Variants in PCCB observed in about 807,000 individuals in gnomAD.
PCCB encodes propionyl-CoA carboxylase beta chain, mitochondrial.
PCCB carries 43 observed loss-of-function variants against 60.7 expected under a neutral mutation model. The observed-to-expected ratio is 0.71, with a 90% CI of 0.55 to 0.91. The LOEUF is 0.91. Ranked by LOEUF, PCCB falls within the 40% of genes least tolerant of loss-of-function variation. PCCB has a pLI of 0.00. For synonymous variants in PCCB, 276 were observed against 255.9 expected, an observed-to-expected ratio of 1.08 and a Z score of -0.75; for missense variants, 766 against 702.8, an observed-to-expected ratio of 1.09 and a Z score of -1.02.
intron 5 of PCCB, among the ~76,000 whole-genome samples, chr3:136,272,961 T>C (rs1189293541): frequency 1.3e-5 from 2 of 152,206 alleles, no homozygotes; most frequent in Admixed American, 6.5e-5. Flanking sequence ...CTTAAAACTA[T>C]GAACTTTCCT....
At chr3:136,271,412 A>T (rs1169587759) in intron 5 of PCCB, among the ~76,000 whole-genome samples, 1 of 152,028 alleles carries the variant, frequency 6.6e-6, no homozygotes, top group East Asian at 1.9e-4. Context: ...TAGTGTTTTG[A>T]TGGGAATTGC....
chr3:136,327,604 T>C (rs774689116), intron 12 of PCCB, 30 bp from the exon 13 acceptor site: 2 of 1,524,726 alleles, frequency 1.3e-6, no homozygotes, highest in Non-Finnish European at 1.8e-6. Flanking sequence ...TGTCTCAGGC[T>C]CTAACACTCA....
intron 5 of PCCB, among the ~76,000 whole-genome samples, chr3:136,282,434 T>G (rs1031799184): frequency 7.9e-5 from 12 of 152,218 alleles, no homozygotes; most frequent in Admixed American, 7.9e-4. Context: ...TGTACCATTT[T>G]AATTTCTAGT....
At chr3:136,316,338 T>C (rs566280932) in intron 9 of PCCB, among the ~76,000 whole-genome samples, 46 of 152,240 alleles carry the variant, frequency 3.0e-4, no homozygotes, top group African/African-American at 9.6e-4. Context: ...TTTTTTGAGA[T>C]AGGATCTCCC....
At chr3:136,280,976 C>T (rs931975704) in intron 5 of PCCB, among the ~76,000 whole-genome samples, 10 of 152,288 alleles carry the variant, frequency 6.6e-5, no homozygotes, top group Middle Eastern at 3.4e-3. Flanking sequence ...AAATATGTCC[C>T]ACTGCCTTCC....
intron 7 of PCCB, among the ~76,000 whole-genome samples, chr3:136,297,128 G>A (rs1933974353): frequency 6.6e-6 from 1 of 152,156 alleles, no homozygotes. Flanking sequence ...AGATTTTAAG[G>A]AGTTAACTGC....
Position 136,257,727 on chromosome 3 carries a change from A to G in PCCB, c.372+1104A>G, listed in dbSNP as rs1389936795. On this transcript the variant is annotated intron_variant, in intron 3 of 14. Coordinates refer to ENST00000251654, the MANE Select transcript of PCCB (RefSeq NM_000532.5). ...TGAGATGGGTGGATCACCTGAGGTC[A>G]GGAGTTTGAGACCAGCTGGCCAACA... 2.0e-5 allele frequency among the ~76,000 whole-genome samples: 3 copies of G among 152,162 alleles called. No individual in the cohort carries two copies. In the East Asian group the frequency reaches 5.8e-4, roughly 29 times the overall value.
chr3:136,250,784 C>A (rs1303072727), intron 1 of PCCB, among the ~76,000 whole-genome samples: 3 of 152,210 alleles, frequency 2.0e-5, no homozygotes, highest in African/African-American at 7.2e-5. Flanking sequence ...GGGATTTAGA[C>A]GGATCTGGCT....
chr3:136,268,119 T>TGTATATATATATATATATATCTAC (rs1942082414), intron 5 of PCCB, among the ~76,000 whole-genome samples: 1 of 132,518 alleles, frequency 7.5e-6, no homozygotes, highest in African/African-American at 3.1e-5. Context: ...TATATATATA[T>TGTATATATATATATATATATCTAC]ATGTATATAT....
chr3:136,300,176 G>A (rs1934209281), intron 8 of PCCB, among the ~76,000 whole-genome samples: 1 of 151,780 alleles, frequency 6.6e-6, no homozygotes, highest in Non-Finnish European at 1.5e-5. Flanking sequence ...ATATGTATAT[G>A]TGTATATATG....
At chr3:136,259,120 C>G in intron 3 of PCCB, 1 of 1,427,700 alleles carries the variant, frequency 7.0e-7, no homozygotes, top group Non-Finnish European at 9.2e-7. Context: ...GATCCATAAG[C>G]AGAAGAAGCA....
intron 5 of PCCB, among the ~76,000 whole-genome samples, chr3:136,263,095 T>C (rs1294423065): frequency 2.0e-5 from 3 of 149,776 alleles, no homozygotes; most frequent in Non-Finnish European, 4.4e-5. Context: ...GCTGGGACTA[T>C]AGGCGTCTGC....
At chr3:136,277,068 C>A (rs1343429161) in intron 5 of PCCB, among the ~76,000 whole-genome samples, 2 of 152,200 alleles carry the variant, frequency 1.3e-5, no homozygotes, top group Non-Finnish European at 2.9e-5. Flanking sequence ...GACCTGTCCT[C>A]AAGTCTCCCA....
At position 136,283,834 on chromosome 3, in the gene PCCB, C is replaced by T; in HGVS notation, c.544-3C>T. On this transcript the variant is annotated splice_polypyrimidine_tract_variant and splice_region_variant and intron_variant, in intron 5 of 14. Transcript: ENST00000251654. ...AGATGCTTTTGCTTTTCTGTTTTGGCAGAGGAATGTTACGGCATCCGGAGT... is the reference window on the plus strand; with the variant it reads ...AGATGCTTTTGCTTTTCTGTTTTGGTAGAGGAATGTTACGGCATCCGGAGT... 1 of 1,599,998 alleles carries T rather than the reference C, an allele frequency of 6.3e-7. No individual in the cohort carries two copies. The highest frequency in any genetic ancestry group is 8.6e-7 in the Non-Finnish European group (1 of 1,167,228).
At chr3:136,309,334 A>G (rs752622514) in intron 9 of PCCB, among the ~76,000 whole-genome samples, 6 of 152,100 alleles carry the variant, frequency 3.9e-5, no homozygotes, top group Non-Finnish European at 8.8e-5. Context: ...ACCCTGTAAA[A>G]TATTTCAGAA....
intron 5 of PCCB, among the ~76,000 whole-genome samples, chr3:136,267,545 T>TG (rs1161721525): frequency 5.9e-5 from 9 of 152,118 alleles, no homozygotes; most frequent in Admixed American, 3.9e-4. Context: ...AGTGTAGTGG[T>TG]GTAATCATGG....
intron 1 of PCCB, chr3:136,252,490 AC>A (rs1941544456): frequency 3.0e-6 from 1 of 333,124 alleles, no homozygotes; most frequent in African/African-American, 2.3e-5. Flanking sequence ...CAGGTGATCC[AC>A]CCGCGTCTGC....
chr3:136,268,084 G>GTGTGTGTAGATA (rs1560002278), intron 5 of PCCB, among the ~76,000 whole-genome samples: 25 of 60,952 alleles, frequency 4.1e-4, no homozygotes, highest in African/African-American at 1.8e-3. Flanking sequence ...GTGTGTGTGT[G>GTGTGTGTAGATA]TAGATATATA....
At chr3:136,315,915 A>G (rs1372611376) in intron 9 of PCCB, among the ~76,000 whole-genome samples, 2 of 151,026 alleles carry the variant, frequency 1.3e-5, no homozygotes, top group South Asian at 2.1e-4. Flanking sequence ...ATGTGTTTAT[A>G]TATATATAAA....
Sources: gnomAD v4.1 joint callset for allele counts (sites outside exome capture counted in the v4.1 genomes callset) on GRCh38, gnomAD v4.1.1 for gene constraint, MANE v1.5 for transcripts, NCBI Gene and HGNC (gene_info 2026-07-23, HGNC 2026-07-21) for gene names.